KCNMA1: variants seen among roughly 807,000 people sequenced by gnomAD.
The protein encoded by KCNMA1 is Calcium-activated potassium channel subunit alpha-1.
Under a neutral mutation model 140.0 loss-of-function variants are expected in KCNMA1, and 29 were observed. The ratio of observed to expected loss-of-function variants is 0.21; its 90% CI spans 0.15 to 0.28. The LOEUF is 0.28. Among genes scored for constraint, KCNMA1 ranks in the 10% least tolerant of loss-of-function variants. The pLI is 1.00. For synonymous variants in KCNMA1, 612 were observed against 611.9 expected (o/e 1.00, Z 0.00); for missense variants, 880 against 1,602.2 (o/e 0.55, Z 7.70).
chr10:77,330,743 G>A (rs140054858), intron 2 of KCNMA1, among the ~76,000 whole-genome samples: 6 of 152,272 alleles, frequency 3.9e-5, no homozygotes, highest in Non-Finnish European at 5.9e-5. Flanking sequence ...AGGCAGCAAA[G>A]TTTAGTGGGA....
intron 1 of KCNMA1, among the ~76,000 whole-genome samples, chr10:77,589,974 G>A (rs1022435767): frequency 7.9e-5 from 12 of 152,132 alleles, no homozygotes; most frequent in Admixed American, 3.9e-4. Flanking sequence ...TTTTGACAGG[G>A]TGCTGATTGG....
intron 5 of KCNMA1, among the ~76,000 whole-genome samples, chr10:77,176,655 G>T (rs1018780483): frequency 6.6e-6 from 1 of 152,048 alleles, no homozygotes; most frequent in East Asian, 1.9e-4. Context: ...ACAGGGGCCC[G>T]GATCCCAGCG....
At chr10:77,341,614 C>A (rs182347147) in intron 2 of KCNMA1, among the ~76,000 whole-genome samples, 2 of 152,294 alleles carry the variant, frequency 1.3e-5, no homozygotes, top group Admixed American at 6.5e-5. Context: ...TTCTGAAATG[C>A]CTGTGATGGG....
At chr10:77,567,670 C>A (rs955014097) in intron 1 of KCNMA1, among the ~76,000 whole-genome samples, 4 of 152,184 alleles carry the variant, frequency 2.6e-5, no homozygotes, top group Admixed American at 1.3e-4. Flanking sequence ...ACAAGAGGAT[C>A]CAAGGGGCTG....
chr10:77,358,870 T>C (rs1164947403), intron 2 of KCNMA1, among the ~76,000 whole-genome samples: 1 of 152,220 alleles, frequency 6.6e-6, no homozygotes, highest in African/African-American at 2.4e-5. Context: ...TGTCTTCGGA[T>C]CCTGCCACCT....
rs546335879 is a variant in KCNMA1, at chr10:77,330,624, C to T, written c.540+73238G>A. Among the ~76,000 whole-genome samples the T allele has an allele frequency of 4.6e-5, 7 of 152,252 alleles. No individual in the cohort carries two copies. In the South Asian group the frequency reaches 1.5e-3, roughly 32 times the overall value. ...CCCTCCAAAGCAGGCGGTTAGTGAT[C>T]TCCCGATTATACAGAAAGGTAGCTG... On this transcript the variant is annotated intron_variant, in intron 2 of 27. Transcript: ENST00000286628.
intron 3 of KCNMA1, among the ~76,000 whole-genome samples, chr10:77,239,371 T>C (rs2056601812): frequency 6.6e-6 from 1 of 152,194 alleles, no homozygotes; most frequent in African/African-American, 2.4e-5. Context: ...TTTCTGCATT[T>C]TCTGGCATGG....
intron 1 of KCNMA1, among the ~76,000 whole-genome samples, chr10:77,470,496 C>T (rs2098127158): frequency 6.6e-6 from 1 of 152,048 alleles, no homozygotes; most frequent in Non-Finnish European, 1.5e-5. Context: ...AAGATCCTGT[C>T]CCCACATGAG....
intron 9 of KCNMA1, chr10:77,091,767 G>A (rs2096824339): frequency 6.6e-6 from 1 of 152,196 alleles, no homozygotes; most frequent in Admixed American, 6.5e-5. Flanking sequence ...AAGCTCATTG[G>A]CTGGAGGTGG....
chr10:77,389,208 C>T (rs992482233), intron 2 of KCNMA1, among the ~76,000 whole-genome samples: 5 of 152,222 alleles, frequency 3.3e-5, no homozygotes, highest in African/African-American at 7.2e-5. Flanking sequence ...GTTTAACACC[C>T]TTGCTATAAA....
chr10:76,931,801 T>C (rs2059358176), intron 23 of KCNMA1, among the ~76,000 whole-genome samples: 1 of 152,194 alleles, frequency 6.6e-6, no homozygotes, highest in Non-Finnish European at 1.5e-5. Context: ...AACTCCTCTG[T>C]AGGCTTTTGT....
chr10:77,096,869 G>A (rs11002013), intron 9 of KCNMA1, among the ~76,000 whole-genome samples: 18,699 of 151,942 alleles, frequency 0.12, 2,650 homozygotes, highest in East Asian at 0.47. Flanking sequence ...TGTTTTCCTC[G>A]TCCTGCTCCT....
At chr10:77,070,679 C>T (rs1437247355) in intron 14 of KCNMA1, among the ~76,000 whole-genome samples, 1 of 151,746 alleles carries the variant, frequency 6.6e-6, no homozygotes, top group East Asian at 1.9e-4. Flanking sequence ...TTTCCACCTA[C>T]CCCCCACCCC....
chr10:77,011,911 G>GA, intron 18 of KCNMA1, 56 bp downstream of exon 18: 1 of 1,455,410 alleles, frequency 6.9e-7, no homozygotes, highest in Admixed American at 1.7e-5. Flanking sequence ...GAAGGAAAAG[G>GA]AATTTGGGGA....
At chr10:77,160,298 C>T (rs75380876) in intron 5 of KCNMA1, among the ~76,000 whole-genome samples, 6,594 of 152,272 alleles carry the variant, frequency 0.043, 451 homozygotes, top group African/African-American at 0.15. Context: ...CCTCCCCCTG[C>T]TCACCTTTTT....
downstream of KCNMA1, among the ~76,000 whole-genome samples, chr10:76,882,455 C>T (rs1044171259): frequency 6.6e-6 from 1 of 152,168 alleles, no homozygotes; most frequent in African/African-American, 2.4e-5. Context: ...GCCTGGCACA[C>T]TTCCTCTGCC....
In KCNMA1 at chr10:77,012,024, C is replaced by T. The variant is rs1233283159; in HGVS notation, c.2035G>A (p.Ala679Thr). 1.2e-6 allele frequency: 2 copies of T among 1,613,770 alleles called. No individual in the cohort carries two copies. Among genetic ancestry groups the T allele is most frequent in the South Asian group, 2.2e-5 (2 of 91,066 alleles). ...GGATCTGTGATGTCATCATGACAGG[C>T]CTTGCAGTAAAAAAATGCCCTGGAG... ...EVKRAFFYCKACHDDITDPKR... is the reference protein window; with the variant it reads ...EVKRAFFYCKTCHDDITDPKR... Residue 679 changes from alanine to threonine, a missense_variant, in exon 18 of 28, where the codon GCC (alanine) becomes ACC (threonine). Ala to Thr is a moderately conservative substitution (Grantham distance 58). This residue lies in a region of KCNMA1 where 196 missense variants were observed against 233.0 expected (regional missense o/e 0.84). Coordinates refer to ENST00000286628, the MANE Select transcript of KCNMA1 (RefSeq NM_001161352.2).
At chr10:77,047,330 T>A (rs188866885) in intron 14 of KCNMA1, among the ~76,000 whole-genome samples, 1 of 152,246 alleles carries the variant, frequency 6.6e-6, no homozygotes, top group African/African-American at 2.4e-5. Context: ...ATTTCTTCCA[T>A]CAGGCATTAT....
intron 2 of KCNMA1, among the ~76,000 whole-genome samples, chr10:77,283,648 C>T (rs2069539868): frequency 1.3e-5 from 2 of 152,270 alleles, no homozygotes; most frequent in East Asian, 3.9e-4. Flanking sequence ...AATGGCAGAA[C>T]GTGGGTGTTT....
Sources: allele counts gnomAD v4.1 joint callset (sites outside exome capture counted in the v4.1 genomes callset), GRCh38; gene constraint gnomAD v4.1.1; regional missense constraint gnomAD v4.1.1; transcripts MANE v1.5; gene names NCBI Gene and HGNC (gene_info 2026-07-23, HGNC 2026-07-21).